HIBADH: variants seen among roughly 807,000 people sequenced by gnomAD.
HIBADH encodes 3-hydroxyisobutyrate dehydrogenase, mitochondrial.
A neutral mutation model predicts 36.1 loss-of-function variants in HIBADH; 25 were observed. The ratio of observed to expected loss-of-function variants is 0.69; its 90% CI spans 0.50 to 0.97. HIBADH has a LOEUF of 0.97. HIBADH is among the 50% of genes least tolerant of loss of function. HIBADH has a pLI of 0.00. For synonymous variants in HIBADH, 160 were observed against 149.5 expected (o/e 1.07, Z -0.51); for missense variants, 421 against 418.0 (o/e 1.01, Z -0.06).
intron 2 of HIBADH, among the ~76,000 whole-genome samples, chr7:27,648,105 CA>C (rs1241430571): frequency 6.6e-6 from 1 of 152,194 alleles, no homozygotes; most frequent in African/African-American, 2.4e-5. Flanking sequence ...ACTGTCTCCT[CA>C]AAATAACTAC....
At chr7:27,590,886 G>C (rs1784929199) in intron 4 of HIBADH, among the ~76,000 whole-genome samples, 1 of 152,158 alleles carries the variant, frequency 6.6e-6, no homozygotes, top group Non-Finnish European at 1.5e-5. Context: ...CAGCCTTTCA[G>C]TGAGGGACTC....
chr7:27,535,533 A>T (rs532776980), intron 6 of HIBADH, among the ~76,000 whole-genome samples: 90 of 152,196 alleles, frequency 5.9e-4, no homozygotes, highest in South Asian at 2.7e-3. Flanking sequence ...ATTTTTTTTT[A>T]AAATCAATTT....
chr7:27,586,877 C>A (rs1481981028), intron 4 of HIBADH, among the ~76,000 whole-genome samples: 2 of 152,190 alleles, frequency 1.3e-5, no homozygotes, highest in African/African-American at 4.8e-5. Flanking sequence ...AAAAGGCTCT[C>A]TAACAGGGCC....
At chr7:27,552,885 C>T (rs988359753) in intron 4 of HIBADH, among the ~76,000 whole-genome samples, 1 of 152,196 alleles carries the variant, frequency 6.6e-6, no homozygotes, top group Non-Finnish European at 1.5e-5. Context: ...ATAAATAGAG[C>T]TCTGCATCAA....
At chr7:27,538,918 A>G (rs1784107663) in intron 5 of HIBADH, among the ~76,000 whole-genome samples, 3 of 152,136 alleles carry the variant, frequency 2.0e-5, no homozygotes, top group Non-Finnish European at 2.9e-5. Flanking sequence ...AAAGAGAAAG[A>G]AGGAGATCCG....
At chr7:27,601,890 T>C (rs1329608754) in intron 4 of HIBADH, among the ~76,000 whole-genome samples, 2 of 152,124 alleles carry the variant, frequency 1.3e-5, no homozygotes, top group African/African-American at 4.8e-5. Context: ...TAATTCTTTC[T>C]ATATTTTGAT....
At chr7:27,533,002 T>C (rs1784023749) in intron 6 of HIBADH, among the ~76,000 whole-genome samples, 1 of 152,192 alleles carries the variant, frequency 6.6e-6, no homozygotes, top group Non-Finnish European at 1.5e-5. Flanking sequence ...ACATCTAATA[T>C]GCTCCATAAG....
At chr7:27,645,103 A>C (rs1786038718) in intron 2 of HIBADH, among the ~76,000 whole-genome samples, 2 of 152,152 alleles carry the variant, frequency 1.3e-5, no homozygotes, top group Admixed American at 1.3e-4. Flanking sequence ...CGTGATGATG[A>C]ATAATGTTGC....
chr7:27,537,894 G>A (rs1350894902), intron 6 of HIBADH, among the ~76,000 whole-genome samples: 1 of 152,012 alleles, frequency 6.6e-6, no homozygotes, highest in Non-Finnish European at 1.5e-5. Flanking sequence ...TTTTAGTGCA[G>A]ATTTGGGGGA....
chr7:27,584,077 G>A (rs1021892824), intron 4 of HIBADH, among the ~76,000 whole-genome samples: 3 of 151,948 alleles, frequency 2.0e-5, no homozygotes, highest in Non-Finnish European at 4.4e-5. Flanking sequence ...TATAGATAAT[G>A]CAGTTTAAAA....
At chr7:27,629,668 A>T (rs1785713477) in intron 3 of HIBADH, among the ~76,000 whole-genome samples, 176 bp from the exon 4 acceptor site, 1 of 152,140 alleles carries the variant, frequency 6.6e-6, no homozygotes, top group South Asian at 2.1e-4. Context: ...TTTGAGACCA[A>T]TTGTACTTCA....
chr7:27,558,992 G>A (rs1329964618), intron 4 of HIBADH, among the ~76,000 whole-genome samples: 3 of 152,130 alleles, frequency 2.0e-5, no homozygotes, highest in African/African-American at 7.2e-5. Context: ...TGACAGTCCT[G>A]GAGGCTAGAA....
At position 27,656,421 on chromosome 7, in the gene HIBADH, T is replaced by A. The variant is rs77016901; in HGVS notation, c.91+6277A>T. Among the ~76,000 whole-genome samples, 334 of 152,214 alleles carry A rather than the reference T, an allele frequency of 2.2e-3. 8 individuals carry two copies. In the East Asian group the frequency reaches 0.046, roughly 21 times the overall value. ...TAACTAAATGTACATTGTAGGACAC[T>A]TGATAATTCACAGTAAATCAACACA... On this transcript the variant is annotated intron_variant, in intron 1 of 7. Coordinates refer to ENST00000265395, the MANE Select transcript of HIBADH (RefSeq NM_152740.4).
intron 4 of HIBADH, among the ~76,000 whole-genome samples, chr7:27,547,855 C>T (rs537723470): frequency 6.6e-6 from 1 of 152,052 alleles, no homozygotes; most frequent in African/African-American, 2.4e-5. Flanking sequence ...AAAAATTGTT[C>T]CAAATGAGAA....
chr7:27,621,096 A>C (rs1246389847), intron 4 of HIBADH, among the ~76,000 whole-genome samples: 1 of 107,508 alleles, frequency 9.3e-6, no homozygotes, highest in East Asian at 3.2e-4. Context: ...CATCAAACAG[A>C]CTTTAAATAA....
chr7:27,621,257 A>C (rs749462824), intron 4 of HIBADH, among the ~76,000 whole-genome samples: 3 of 152,224 alleles, frequency 2.0e-5, no homozygotes, highest in Non-Finnish European at 4.4e-5. Flanking sequence ...TCTGAAAGAG[A>C]GATCCAATAA....
rs1786141081 is a variant in HIBADH, at chr7:27,649,591, A to G, written c.134T>C (p.Ile45Thr). 1.2e-6 allele frequency: 2 copies of G among 1,613,844 alleles called. No individual in the cohort carries two copies. The highest frequency in any genetic ancestry group is 1.7e-5 in the Admixed American group (1 of 59,992). ...SVASKTPVGFIGLGNMGNPMA... is the reference protein window; with the variant it reads ...SVASKTPVGFTGLGNMGNPMA... ...TGGATTCCCCATGTTGCCCAGTCCAATGAATCCAACTGGAGTCTTTGAAGC... is the reference window on the plus strand; with the variant it reads ...TGGATTCCCCATGTTGCCCAGTCCAGTGAATCCAACTGGAGTCTTTGAAGC... The change falls in exon 2 of 8, where the codon ATT (isoleucine) becomes ACT (threonine). Residue 45 changes from isoleucine to threonine, a missense_variant. Ile to Thr is a moderately conservative substitution (Grantham distance 89). Coordinates refer to ENST00000265395, the MANE Select transcript of HIBADH (RefSeq NM_152740.4).
At chr7:27,580,135 C>T (rs1047330580) in intron 4 of HIBADH, among the ~76,000 whole-genome samples, 5 of 152,136 alleles carry the variant, frequency 3.3e-5, no homozygotes, top group Non-Finnish European at 7.4e-5. Context: ...AAACATGTTT[C>T]CCCTGATTTT....
At chr7:27,645,691 A>G (rs34437775) in intron 2 of HIBADH, among the ~76,000 whole-genome samples, 1 of 152,022 alleles carries the variant, frequency 6.6e-6, no homozygotes, top group Non-Finnish European at 1.5e-5. Context: ...TGTTCTGACT[A>G]TGTTTCTACG....
Sources: gnomAD v4.1 joint callset for allele counts (sites outside exome capture counted in the v4.1 genomes callset) on GRCh38, gnomAD v4.1.1 for gene constraint, MANE v1.5 for transcripts, NCBI Gene and HGNC (gene_info 2026-07-23, HGNC 2026-07-21) for gene names.